Variants in LRFN2 observed in about 807,000 individuals in gnomAD.
The protein encoded by LRFN2 is leucine rich repeat and fibronectin type III domain containing 2.
LRFN2 carries 18 observed loss-of-function variants against 37.3 expected under a neutral mutation model. The ratio of observed to expected loss-of-function variants is 0.48; its 90% confidence interval spans 0.33 to 0.72. LRFN2 has a LOEUF of 0.72. LRFN2 is among the 30% of genes least tolerant of loss of function. LRFN2 has a pLI of 0.02. For synonymous variants in LRFN2, 556 were observed against 466.6 expected, an observed-to-expected ratio of 1.19 and a Z score of -2.47; for missense variants, 1,006 against 1,060.7, an observed-to-expected ratio of 0.95 and a Z score of 0.72.
rs1763513897 is a variant in LRFN2, at chr6:40,432,190, G to A, written c.924C>T (p.Leu308=). The stretch of plus-strand genomic sequence containing the variant: ...TGGGGTCCCCAATGGCTTTGCACTT[G>A]AGTGTGGCCGCCTGGCCCTCCAGAA... The part of the protein sequence containing the change: ...LLVLEGQAAT[L]KCKAIGDPSP... The change falls in exon 2 of 3, where the codon CTC becomes CTT. Residue 308 remains leucine (L), a synonymous_variant. Coordinates refer to ENST00000338305, the MANE Select transcript of LRFN2 (RefSeq NM_020737.3). 1.9e-6 allele frequency: 3 copies of A among 1,613,844 alleles called. No homozygotes were observed. The highest frequency in any genetic ancestry group is 1.1e-5 in the South Asian group (1 of 91,082).
intron 1 of LRFN2, among the ~76,000 whole-genome samples, chr6:40,540,962 C>G (rs914078563): frequency 6.6e-6 from 1 of 152,192 alleles, no homozygotes; most frequent in African/African-American, 2.4e-5. Flanking sequence ...ATGAGATGTG[C>G]CCCCGGCAAA....
chr6:40,467,900 T>C (rs898684224), intron 1 of LRFN2, among the ~76,000 whole-genome samples: 9 of 152,086 alleles, frequency 5.9e-5, no homozygotes, highest in Non-Finnish European at 1.3e-4. Flanking sequence ...TGTCTCCTAG[T>C]ATGATGGAAG....
At chr6:40,524,458 C>T (rs1766187104) in intron 1 of LRFN2, among the ~76,000 whole-genome samples, 1 of 151,348 alleles carries the variant, frequency 6.6e-6, no homozygotes. Context: ...CTCACACACA[C>T]ACCCCTGCAG....
intron 1 of LRFN2, among the ~76,000 whole-genome samples, chr6:40,554,756 T>G (rs1561905950): frequency 6.6e-6 from 1 of 151,960 alleles, no homozygotes. Flanking sequence ...CCTACTTGAC[T>G]CCCCCTCTGA....
chr6:40,457,167 T>G (rs1472164191), intron 1 of LRFN2, among the ~76,000 whole-genome samples: 1 of 151,722 alleles, frequency 6.6e-6, no homozygotes, highest in Non-Finnish European at 1.5e-5. Flanking sequence ...GAGGTAGAAA[T>G]GGATAACAAT....
At chr6:40,524,631 A>C (rs1439257372) in intron 1 of LRFN2, among the ~76,000 whole-genome samples, 1 of 152,000 alleles carries the variant, frequency 6.6e-6, no homozygotes, top group Non-Finnish European at 1.5e-5. Flanking sequence ...CAGCCTTTAA[A>C]CTGTGTCTTT....
intron 1 of LRFN2, among the ~76,000 whole-genome samples, chr6:40,435,980 A>C (rs1763663998): frequency 6.6e-6 from 1 of 152,192 alleles, no homozygotes; most frequent in South Asian, 2.1e-4. Flanking sequence ...ATCACTGTGA[A>C]GTAGAAATAT....
intron 2 of LRFN2, among the ~76,000 whole-genome samples, chr6:40,425,691 G>T (rs1024334842): frequency 6.6e-6 from 1 of 152,214 alleles, no homozygotes; most frequent in African/African-American, 2.4e-5. Flanking sequence ...AAGGAAACAG[G>T]CCAGGCCCTG....
intron 1 of LRFN2, among the ~76,000 whole-genome samples, chr6:40,502,053 C>A (rs1765396770): frequency 6.6e-6 from 1 of 152,184 alleles, no homozygotes; most frequent in African/African-American, 2.4e-5. Flanking sequence ...AGCAGCACTG[C>A]AGTGTTAATA....
intron 2 of LRFN2, among the ~76,000 whole-genome samples, chr6:40,405,903 G>A (rs747556428): frequency 2.0e-5 from 3 of 152,178 alleles, no homozygotes; most frequent in African/African-American, 2.4e-5. Flanking sequence ...AGGATCACTC[G>A]TTGGGAGGCC....
intron 1 of LRFN2, among the ~76,000 whole-genome samples, chr6:40,562,796 C>T (rs879679757): frequency 2.2e-4 from 34 of 151,718 alleles, no homozygotes; most frequent in Admixed American, 2.6e-4. Context: ...ATGGTACATG[C>T]AAAGGCACAT....
At chr6:40,585,384 C>T (rs1767482090) in intron 1 of LRFN2, among the ~76,000 whole-genome samples, 1 of 152,120 alleles carries the variant, frequency 6.6e-6, no homozygotes. Context: ...AGCAGAAGGG[C>T]CCAGGCAGCT....
chr6:40,478,011 A>G (rs548040017), intron 1 of LRFN2, among the ~76,000 whole-genome samples: 1 of 152,344 alleles, frequency 6.6e-6, no homozygotes, highest in African/African-American at 2.4e-5. Flanking sequence ...ATAATTAAAG[A>G]GACAGTTGAT....
In LRFN2 at chr6:40,392,464, G is replaced by T; in HGVS notation, c.1849C>A (p.Arg617Ser). The T allele has an allele frequency of 4.5e-6, 7 of 1,568,356 alleles. No individual in the cohort carries two copies. The highest frequency in any genetic ancestry group is 1.9e-5 in the Admixed American group (1 of 53,274). Residue 617 changes from arginine (R) to serine (S), a missense_variant, in exon 3 of 3, where the codon CGC becomes AGC. Physicochemically the swap from Arg to Ser is moderately radical, Grantham distance 110 (BLOSUM62 -1). Around this residue, in one of 4 missense-constraint regions of LRFN2, gnomAD observed 398 missense variants for 327.6 expected, o/e 1.21. Transcript: ENST00000338305. The surrounding 1 kb of genome is among the most constrained non-coding windows in gnomAD (Gnocchi z 4.7). ...ELLDFTASLA[R>S]ASDSSSSSSL... The stretch of plus-strand genomic sequence containing the variant: ...CTGGAGGAAGAGGAGTCACTGGCGC[G>T]GGCCAGGCTGGCGGTGAAGTCCAGG...
intron 1 of LRFN2, among the ~76,000 whole-genome samples, chr6:40,436,743 C>A (rs996052454): frequency 1.3e-5 from 2 of 152,194 alleles, no homozygotes; most frequent in East Asian, 1.9e-4. Flanking sequence ...GGTGTTCTGG[C>A]CTTCTTGGTC....
rs186437559 is a variant in LRFN2 at position 40,471,563 on chromosome 6, G to A, written c.-18-38432C>T. Among the ~76,000 whole-genome samples, 5 of 152,250 alleles carry A rather than the reference G, an allele frequency of 3.3e-5. 1 individual carries two copies. In the East Asian group the frequency reaches 7.7e-4, roughly 24 times the overall value. On this transcript the variant is annotated intron_variant, in intron 1 of 2. Coordinates refer to ENST00000338305, the MANE Select transcript of LRFN2 (RefSeq NM_020737.3). ...AATTCCTGCTCTGCTTTTGAGGAGT[G>A]GAGCTACCTGGGGTGGCTCACTGCA...
At chr6:40,555,326 G>A (rs1766851387) in intron 1 of LRFN2, among the ~76,000 whole-genome samples, 1 of 152,186 alleles carries the variant, frequency 6.6e-6, no homozygotes, top group Non-Finnish European at 1.5e-5. Flanking sequence ...GCGGTGGGGA[G>A]GCTGGGCCGG....
chr6:40,526,981 G>A (rs895508064), intron 1 of LRFN2, among the ~76,000 whole-genome samples: 16 of 152,124 alleles, frequency 1.1e-4, no homozygotes, highest in African/African-American at 3.9e-4. Context: ...GGACTAAAAG[G>A]TTGCACTGAG....
chr6:40,412,580 T>C (rs1762995725), intron 2 of LRFN2, among the ~76,000 whole-genome samples: 1 of 152,152 alleles, frequency 6.6e-6, no homozygotes, highest in Non-Finnish European at 1.5e-5. Flanking sequence ...GGTCAAGTCT[T>C]ATCCCTTCTC....
Sources: allele counts gnomAD v4.1 joint callset (sites outside exome capture counted in the v4.1 genomes callset), GRCh38; gene constraint gnomAD v4.1.1; regional missense constraint gnomAD v4.1.1; non-coding constraint Gnocchi (gnomAD v3.1); transcripts MANE v1.5; gene names NCBI Gene and HGNC (gene_info 2026-07-23, HGNC 2026-07-21).